CTDP1: variants seen among roughly 807,000 people sequenced by gnomAD.
CTDP1 encodes RNA polymerase II subunit A C-terminal domain phosphatase.
A neutral mutation model predicts 91.8 loss-of-function variants in CTDP1; 47 were observed. That is an observed-to-expected ratio of 0.51 (90% confidence interval 0.41 to 0.65). The LOEUF (loss-of-function observed/expected upper bound fraction) is 0.65. Among genes scored for constraint, CTDP1 ranks in the 30% least tolerant of loss-of-function variants. CTDP1 has a pLI of 0.00. For synonymous variants in CTDP1, 656 were observed against 598.5 expected (o/e 1.10, Z -1.40); for missense variants, 1,272 against 1,373.7 (o/e 0.93, Z 1.17).
intron 4 of CTDP1, among the ~76,000 whole-genome samples, chr18:79,700,869 G>C (rs1007791549): frequency 7.2e-5 from 11 of 152,318 alleles, no homozygotes; most frequent in African/African-American, 2.6e-4. Flanking sequence ...GTGACTTTAA[G>C]TTGAAGCCAG....
Position 79,719,161 on chromosome 18 carries a change from G to A in CTDP1, c.2417+1145G>A, listed in dbSNP as rs185242038. On this transcript the variant is annotated intron_variant, in intron 10 of 12. Transcript: ENST00000613122. ...GAGAGGCCGCTCCCTCTGGAAACGCGCTCTAGTTCCTCCCCGGTTTTCTGT... is the reference window on the plus strand; with the variant it reads ...GAGAGGCCGCTCCCTCTGGAAACGCACTCTAGTTCCTCCCCGGTTTTCTGT... Among the ~76,000 whole-genome samples, 232 of 152,360 alleles carry A rather than the reference G, an allele frequency of 1.5e-3. 1 individual carries two copies. The highest frequency in any genetic ancestry group is 3.7e-3 in the South Asian group (18 of 4,834).
intron 10 of CTDP1, among the ~76,000 whole-genome samples, chr18:79,728,202 C>T (rs375805187): frequency 3.9e-5 from 6 of 151,992 alleles, no homozygotes; most frequent in African/African-American, 1.5e-4. Flanking sequence ...CAGGTTCAAG[C>T]GATTCTCCTG....
At chr18:79,742,343 G>GGGT (rs1172596476) in intron 12 of CTDP1, among the ~76,000 whole-genome samples, 2 of 152,162 alleles carry the variant, frequency 1.3e-5, no homozygotes, top group Non-Finnish European at 2.9e-5. Context: ...AGAGGCCTGA[G>GGGT]GGTGGGAGAA....
chr18:79,708,578 A>G (rs1013785034), intron 5 of CTDP1, among the ~76,000 whole-genome samples: 10 of 152,230 alleles, frequency 6.6e-5, no homozygotes, highest in Non-Finnish European at 1.3e-4. Flanking sequence ...CAGGCGTTCC[A>G]GTGAGACTTA....
intron 12 of CTDP1, 92 bp from the exon 13 acceptor site, chr18:79,753,560 C>A (rs1366512807): frequency 6.3e-7 from 1 of 1,597,814 alleles, no homozygotes; most frequent in African/African-American, 1.3e-5. Context: ...TGTGTTAAAA[C>A]CACGGAAGCC....
intron 12 of CTDP1, among the ~76,000 whole-genome samples, chr18:79,750,668 C>CTTTTTTTTTTT (rs749153854): frequency 3.2e-5 from 3 of 94,212 alleles, no homozygotes; most frequent in Non-Finnish European, 4.2e-5. Context: ...TAATTTTTTG[C>CTTTTTTTTTTT]TTTTTTTTTT....
intron 12 of CTDP1, among the ~76,000 whole-genome samples, chr18:79,738,166 G>A (rs771479817): frequency 9.2e-5 from 14 of 152,168 alleles, no homozygotes; most frequent in Admixed American, 1.3e-4. Flanking sequence ...CGCAGTCAGC[G>A]GGCTGCGTAA....
chr18:79,734,143 C>T (rs34814368), intron 11 of CTDP1, among the ~76,000 whole-genome samples: 44,861 of 152,118 alleles, frequency 0.29, 7,874 homozygotes, highest in East Asian at 0.41. Flanking sequence ...TGTTCCAAGT[C>T]GGCCTTGTGC....
At chr18:79,700,461 C>G (rs1312672606) in intron 4 of CTDP1, among the ~76,000 whole-genome samples, 7 of 152,224 alleles carry the variant, frequency 4.6e-5, no homozygotes, top group African/African-American at 1.7e-4. Flanking sequence ...GAAGATCAAA[C>G]CAGTCACAAC....
rs539445284 is a variant in CTDP1, at chr18:79,712,965, C to T, written c.864-7C>T. On this transcript the variant is annotated splice_polypyrimidine_tract_variant and splice_region_variant and intron_variant, in intron 6 of 12. Coordinates refer to ENST00000613122, the MANE Select transcript of CTDP1 (RefSeq NM_004715.5). ...ATTTTTTGTAAATTATGCATTTTCACTTGTAGAAATCTCTTTCCTTGTGGA... is the reference window on the plus strand; with the variant it reads ...ATTTTTTGTAAATTATGCATTTTCATTTGTAGAAATCTCTTTCCTTGTGGA... 37 of 1,613,652 alleles carry T rather than the reference C, an allele frequency of 2.3e-5. 2 individuals are homozygous for T. The South Asian group carries it at 3.7e-4, about 16-fold the overall frequency.
intron 1 of CTDP1, among the ~76,000 whole-genome samples, chr18:79,685,033 C>G (rs201319412): frequency 0.014 from 1,346 of 96,408 alleles, 29 homozygotes; most frequent in East Asian, 0.046. Flanking sequence ...GTGGTCTCTA[C>G]TCCCAGTTTC....
intron 10 of CTDP1, among the ~76,000 whole-genome samples, chr18:79,725,240 C>G (rs1213151930): frequency 6.6e-6 from 1 of 152,168 alleles, no homozygotes; most frequent in Non-Finnish European, 1.5e-5. Flanking sequence ...CTGCACTTGT[C>G]ACGTTGTGTG....
chr18:79,698,368 T>C (rs1323922613), intron 4 of CTDP1, among the ~76,000 whole-genome samples: 1 of 152,048 alleles, frequency 6.6e-6, no homozygotes, highest in African/African-American at 2.4e-5. Flanking sequence ...TGGATGCCTT[T>C]ATGTTGCTAG....
intron 12 of CTDP1, among the ~76,000 whole-genome samples, chr18:79,737,325 T>A (rs2086690151): frequency 6.6e-6 from 1 of 152,242 alleles, no homozygotes; most frequent in African/African-American, 2.4e-5. Flanking sequence ...TTCTGAATCT[T>A]GTCCGAGAAT....
intron 12 of CTDP1, among the ~76,000 whole-genome samples, chr18:79,750,668 C>CT (rs749153854): frequency 0.037 from 3,520 of 94,190 alleles, 93 homozygotes; most frequent in African/African-American, 0.052. Context: ...TAATTTTTTG[C>CT]TTTTTTTTTT....
At chr18:79,709,304 G>A (rs765279460) in intron 5 of CTDP1, among the ~76,000 whole-genome samples, 22 of 152,260 alleles carry the variant, frequency 1.4e-4, no homozygotes, top group Non-Finnish European at 2.8e-4. Context: ...TTAAAAATAT[G>A]AGCACTTTAC....
At chr18:79,734,592 C>T (rs3786244) in intron 11 of CTDP1, among the ~76,000 whole-genome samples, 3,595 of 151,172 alleles carry the variant, frequency 0.024, 125 homozygotes, top group East Asian at 0.18. Context: ...GCCACACTAG[C>T]GAGGGTCCCT....
chr18:79,736,270 G>A, intron 11 of CTDP1, 85 bp from the exon 12 acceptor site: 2 of 1,530,034 alleles, frequency 1.3e-6, no homozygotes, highest in Non-Finnish European at 1.8e-6. Context: ...TGCACTCAGA[G>A]CCCTGGACTC....
chr18:79,700,338 CAAAGG>C (rs1236820432), intron 4 of CTDP1, among the ~76,000 whole-genome samples: 1 of 152,162 alleles, frequency 6.6e-6, no homozygotes. Context: ...GGTGTGAATG[CAAAGG>C]AAAAGTTCTT....
Sources: allele counts gnomAD v4.1 joint callset (sites outside exome capture counted in the v4.1 genomes callset), GRCh38; gene constraint gnomAD v4.1.1; transcripts MANE v1.5; gene names NCBI Gene and HGNC (gene_info 2026-07-23, HGNC 2026-07-21).